RBM6: variants seen among roughly 807,000 people sequenced by gnomAD.
RBM6 encodes the protein RNA binding motif protein 6.
Under a neutral mutation model 140.4 loss-of-function variants are expected in RBM6, and 23 were observed. The ratio of observed to expected loss-of-function variants is 0.16; its 90% CI spans 0.12 to 0.23. RBM6 has a LOEUF of 0.23. Ranked by LOEUF, RBM6 falls within the 10% of genes least tolerant of loss-of-function variation. The probability of loss-of-function intolerance (pLI) is 1.00; values close to 1 mark genes in which losing one functional copy is unlikely to be tolerated. For synonymous variants in RBM6, 439 were observed against 475.6 expected, an observed-to-expected ratio of 0.92 and a Z score of 1.00; for missense variants, 1,139 against 1,386.7, an observed-to-expected ratio of 0.82 and a Z score of 2.84.
chr3:50,066,618 A>G lies in RBM6; in HGVS notation c.2943+116A>G, dbSNP rs575792057. 84 of 1,290,090 alleles carry G rather than the reference A, an allele frequency of 6.5e-5. No homozygotes were observed. In the African/African-American group the frequency reaches 1.1e-3, roughly 18 times the overall value. 79.9% of individuals were successfully genotyped at this position (1,290,090 alleles called of 1,614,324 possible). A position where few individuals can be genotyped will look rare whatever the true frequency, so the allele number is the denominator to read the frequency against. ...CGAGGCGGGTGGATTGCCTGGGCTC[A>G]GAAGTACAAGACCAGTCTGGGCAAC... On this transcript the variant is annotated intron_variant, in intron 17 of 20. Coordinates refer to ENST00000266022, the MANE Select transcript of RBM6 (RefSeq NM_005777.3).
intron 1 of RBM6, among the ~76,000 whole-genome samples, chr3:49,950,554 A>G (rs1443397070): frequency 6.6e-6 from 1 of 152,142 alleles, no homozygotes; most frequent in Non-Finnish European, 1.5e-5. Flanking sequence ...CAGGAGTTCA[A>G]GACCAGCCTG....
Position 50,061,173 on chromosome 3 carries a change from G to A in RBM6, c.2305G>A (p.Gly769Ser). Residue 769 changes from glycine (G) to serine (S), a missense_variant, in exon 13 of 21, where the codon GGC becomes AGC. Physicochemically the swap from Gly to Ser is moderately conservative, Grantham distance 56. Transcript: ENST00000266022. ...KKYFRDRRGG[G>S]RNSDWSSDTN... ...ATATTTCCGAGATAGGAGGGGAGGT[G>A]GCAGAAATTCAGACTGGTCTTCAGA... 6.2e-7 allele frequency: 1 copy of A among 1,614,180 alleles called. No homozygotes were observed. Among genetic ancestry groups the A allele is most frequent in the Admixed American group, 1.7e-5 (1 of 60,000 alleles).
In RBM6 at chr3:50,034,499, C is replaced by T. The variant is rs186554485; in HGVS notation, c.1558-13746C>T. On this transcript the variant is annotated intron_variant, in intron 6 of 20. Transcript: ENST00000266022. ...GGTGGTGGCCAGGTGCGGTGGCTCA[C>T]GCCTGTAATCCCAGCACTTTGGGAG... Among the ~76,000 whole-genome samples the T allele has an allele frequency of 2.6e-3, 403 of 152,224 alleles. 1 individual carries two copies. Among genetic ancestry groups the T allele is most frequent in the African/African-American group, 9.4e-3 (391 of 41,552 alleles).
intron 6 of RBM6, among the ~76,000 whole-genome samples, chr3:50,017,955 A>G (rs998797879): frequency 6.6e-6 from 1 of 152,100 alleles, no homozygotes; most frequent in African/African-American, 2.4e-5. Flanking sequence ...TATCCCTGCC[A>G]CCCTTCTCCC....
intron 5 of RBM6, among the ~76,000 whole-genome samples, chr3:49,984,421 A>G (rs971582252): frequency 6.6e-6 from 1 of 152,232 alleles, no homozygotes; most frequent in Admixed American, 6.5e-5. Flanking sequence ...AGCCTGGTCA[A>G]TATGGCAAAA....
At chr3:49,992,896 C>A (rs2085891880) in intron 5 of RBM6, among the ~76,000 whole-genome samples, 1 of 152,168 alleles carries the variant, frequency 6.6e-6, no homozygotes, top group Non-Finnish European at 1.5e-5. Flanking sequence ...AGTGTTCTTG[C>A]TTGGGGAAAA....
At chr3:50,054,662 C>T (rs1044111816) in intron 8 of RBM6, among the ~76,000 whole-genome samples, 3 of 151,978 alleles carry the variant, frequency 2.0e-5, no homozygotes, top group South Asian at 2.1e-4. Context: ...TGTGCCACCA[C>T]GCCCTGTAGC....
At chr3:50,055,495 AG>A (rs1311587352) in intron 8 of RBM6, among the ~76,000 whole-genome samples, 1 of 152,208 alleles carries the variant, frequency 6.6e-6, no homozygotes, top group African/African-American at 2.4e-5. Context: ...TTTTCACCAG[AG>A]GAAAGAGATA....
At chr3:50,023,269 TAA>T (rs749646922) in intron 6 of RBM6, among the ~76,000 whole-genome samples, 17 of 152,264 alleles carry the variant, frequency 1.1e-4, no homozygotes, top group Non-Finnish European at 1.6e-4. Context: ...CTTGCTTTTA[TAA>T]AGTCTTAGCT....
At chr3:49,964,704 A>G (rs1158059492) in intron 2 of RBM6, among the ~76,000 whole-genome samples, 5 of 152,314 alleles carry the variant, frequency 3.3e-5, no homozygotes, top group South Asian at 2.1e-4. Flanking sequence ...GTTGTAATCT[A>G]TCCTCTTATT....
At chr3:50,021,075 AT>A (rs2087451273) in intron 6 of RBM6, among the ~76,000 whole-genome samples, 1 of 152,042 alleles carries the variant, frequency 6.6e-6, no homozygotes, top group Non-Finnish European at 1.5e-5. Flanking sequence ...AGCATATATT[AT>A]TTTTTCTGTC....
chr3:50,034,354 C>T (rs1242439700), intron 6 of RBM6, among the ~76,000 whole-genome samples: 1 of 152,170 alleles, frequency 6.6e-6, no homozygotes, highest in East Asian at 1.9e-4. Context: ...TGTACATGCT[C>T]ACGGTGCACT....
In RBM6 at chr3:50,043,730, T is replaced by C. The variant is rs370354954; in HGVS notation, c.1558-4515T>C. On this transcript the variant is annotated intron_variant, in intron 6 of 20. Transcript: ENST00000266022. ...TCCCGAGTAGCTGGGATTACAAGCATGTGCCACCACACCCAGCTCACTTTT... is the reference window on the plus strand; with the variant it reads ...TCCCGAGTAGCTGGGATTACAAGCACGTGCCACCACACCCAGCTCACTTTT... Among the ~76,000 whole-genome samples, 18 of 151,552 alleles carry C rather than the reference T, an allele frequency of 1.2e-4. No individual in the cohort carries two copies. The East Asian group carries it at 2.4e-3, about 20-fold the overall frequency.
chr3:50,016,571 G>A (rs2087157899), intron 6 of RBM6, among the ~76,000 whole-genome samples: 2 of 151,486 alleles, frequency 1.3e-5, no homozygotes, highest in African/African-American at 4.9e-5. Context: ...TTCCCACAGT[G>A]TAAAGGGTTC....
At chr3:49,980,576 A>G (rs1022331810) in intron 5 of RBM6, among the ~76,000 whole-genome samples, 4 of 151,492 alleles carry the variant, frequency 2.6e-5, no homozygotes, top group Non-Finnish European at 4.4e-5. Context: ...CCTGGCCAAC[A>G]TGGCGAACGA....
chr3:50,042,752 T>A (rs903441545), intron 6 of RBM6, among the ~76,000 whole-genome samples: 1 of 151,588 alleles, frequency 6.6e-6, no homozygotes, highest in African/African-American at 2.4e-5. Context: ...TGTCTTTTTT[T>A]TAAAAAAAAA....
chr3:50,006,326 G>T (rs1459190504), intron 6 of RBM6, among the ~76,000 whole-genome samples: 1 of 151,704 alleles, frequency 6.6e-6, no homozygotes, highest in African/African-American at 2.4e-5. Context: ...AGTAGAAATG[G>T]GGTTTCACCA....
chr3:49,982,195 G>A (rs1382162948), intron 5 of RBM6, among the ~76,000 whole-genome samples: 1 of 151,386 alleles, frequency 6.6e-6, no homozygotes, highest in Non-Finnish European at 1.5e-5. Context: ...CTGTTGCCTG[G>A]CATTTTGGGT....
chr3:49,998,586 G>T (rs1426788770), intron 5 of RBM6, among the ~76,000 whole-genome samples: 1 of 152,192 alleles, frequency 6.6e-6, no homozygotes, highest in Non-Finnish European at 1.5e-5. Context: ...GGACTTCCCA[G>T]TCTCGTGAGT....
Sources: allele counts gnomAD v4.1 joint callset (sites outside exome capture counted in the v4.1 genomes callset), GRCh38; gene constraint gnomAD v4.1.1; transcripts MANE v1.5; gene names NCBI Gene and HGNC (gene_info 2026-07-23, HGNC 2026-07-21).